The following SERPINB8 variants were observed in gnomAD, a reference collection of about 807,000 sequenced individuals.
SERPINB8 encodes serpin B8.
SERPINB8 carries 25 observed loss-of-function variants against 35.3 expected under a neutral mutation model. The observed-to-expected ratio is 0.71, with a 90% CI of 0.52 to 0.99. The LOEUF (loss-of-function observed/expected upper bound fraction) is 0.99, where lower values mean the gene tolerates loss of function less well. SERPINB8 is among the 50% of genes least tolerant of loss of function. The pLI, the probability that SERPINB8 is intolerant of heterozygous loss-of-function variation, is 0.00. For missense variants in SERPINB8, 484 were observed against 446.5 expected, an observed-to-expected ratio of 1.08 and a Z score of -0.76; for synonymous variants, 186 against 160.8, an observed-to-expected ratio of 1.16 and a Z score of -1.19.
In SERPINB8 at chr18:63,996,463, G is replaced by A. The variant is rs566868201; in HGVS notation, c.71-8356G>A. 2.6e-4 allele frequency among the ~76,000 whole-genome samples: 39 copies of A among 152,284 alleles called. No individual in the cohort carries two copies. In the South Asian group the frequency reaches 4.1e-3, roughly 16 times the overall value. On this transcript the variant is annotated intron_variant, in intron 1 of 1. Coordinates refer to the SERPINB8 transcript ENST00000493661. ...TGCCTTTTTCAGCATCCTCCCACACGGAGAAGTCCAGGATCAACTTGCCTT... is the reference window on the plus strand; with the variant it reads ...TGCCTTTTTCAGCATCCTCCCACACAGAGAAGTCCAGGATCAACTTGCCTT...
chr18:63,992,358 T>C (rs2050828986), downstream of SERPINB8, among the ~76,000 whole-genome samples: 1 of 152,374 alleles, frequency 6.6e-6, no homozygotes, highest in African/African-American at 2.4e-5. Flanking sequence ...TCAAGGAATT[T>C]GTTCATTTTC....
chr18:64,018,762 G>C, intron 7 of SERPINB8: 1 of 152,154 alleles, frequency 6.6e-6, no homozygotes, highest in East Asian at 1.9e-4. Flanking sequence ...TTATGAAAGC[G>C]TTCCAACGTT....
chr18:63,985,017 T>C (rs2050728986), intron 5 of SERPINB8, 76 bp from the exon 6 acceptor site: 1 of 1,460,434 alleles, frequency 6.8e-7, no homozygotes, highest in Non-Finnish European at 9.4e-7. Flanking sequence ...ACCTAGAGTT[T>C]CTGTGAGTTA....
intron 7 of SERPINB8, among the ~76,000 whole-genome samples, chr18:64,016,214 C>G (rs1412006864): frequency 6.6e-6 from 1 of 152,170 alleles, no homozygotes; most frequent in East Asian, 1.9e-4. Flanking sequence ...AAAGGCTTTG[C>G]TTATCCAATG....
intron 7 of SERPINB8, among the ~76,000 whole-genome samples, chr18:64,015,445 G>C (rs957186770): frequency 2.6e-5 from 4 of 152,142 alleles, no homozygotes; most frequent in Admixed American, 6.5e-5. Context: ...TCCCTAAGTG[G>C]CTTCCAGCTT....
At chr18:64,007,318 A>G (rs2050904600), downstream of SERPINB8, among the ~76,000 whole-genome samples, 2 of 152,206 alleles carry the variant, frequency 1.3e-5, no homozygotes, top group Non-Finnish European at 2.9e-5. Context: ...CATTTAAAAA[A>G]TTAAATCAAA....
In SERPINB8 at chr18:63,988,671, T is replaced by C. The variant is rs939909215; in HGVS notation, c.*1393T>C. On this transcript the variant is annotated 3_prime_UTR_variant, in exon 7 of 7. Transcript: ENST00000397985. ...TGAACAGTGGTTAATCCTGACTCTG[T>C]TTTTGACTGACAGTTAACAGTTACA... 6.6e-6 allele frequency: 1 copy of C among 152,222 alleles called. No homozygotes were observed. The highest frequency in any genetic ancestry group is 1.5e-5 in the Non-Finnish European group (1 of 68,046). 9.4% of individuals were successfully genotyped at this position (152,222 alleles called of 1,614,324 possible). A position where few individuals can be genotyped will look rare whatever the true frequency, so the allele number is the denominator to read the frequency against.
chr18:63,987,262 G>A lies in SERPINB8; in HGVS notation c.1109G>A (p.Arg370Lys), dbSNP rs758522095. Residue 370 changes from arginine (R) to lysine (K), a missense_variant, in exon 7 of 7, where the codon AGG becomes AAG. Physicochemically the swap from Arg to Lys is conservative, Grantham distance 26. Transcript: ENST00000397985. ...ACCAACTGCATCTTGTTCTGTGGCA[G>A]GTTCTCTTCTCCGTAAAGAGGAGCA... Reference protein sequence around the residue: ...HKTNCILFCGRFSSP With the variant: ...HKTNCILFCGKFSSP The A allele has an allele frequency of 2.5e-6, 4 of 1,612,376 alleles. No homozygotes were observed. In the East Asian group the frequency reaches 6.7e-5, roughly 27 times the overall value.
At chr18:63,985,318 T>C (rs2050736976) in intron 6 of SERPINB8, 73 bp downstream of exon 6, 2 of 1,546,418 alleles carry the variant, frequency 1.3e-6, no homozygotes, top group Admixed American at 1.9e-5. Flanking sequence ...CATCTACCAA[T>C]TGGCATTTGA....
chr18:63,981,969 T>C, intron 4 of SERPINB8, 131 bp downstream of exon 4: 2 of 636,076 alleles, frequency 3.1e-6, no homozygotes. Flanking sequence ...GTTTGCTGAG[T>C]TTACAGGCCA....
At chr18:64,002,661 T>A (rs560866940) in intron 1 of SERPINB8, among the ~76,000 whole-genome samples, 128 of 152,088 alleles carry the variant, frequency 8.4e-4, no homozygotes, top group Middle Eastern at 6.8e-3. Flanking sequence ...TGCGGTCACC[T>A]GCTCTTCCCG....
downstream of SERPINB8, among the ~76,000 whole-genome samples, chr18:64,010,062 A>G (rs1293939563): frequency 2.6e-5 from 4 of 152,114 alleles, no homozygotes; most frequent in African/African-American, 9.6e-5. Context: ...TTAAATATGA[A>G]GTATTTCCAT....
At chr18:64,015,561 A>G (rs974661868) in intron 7 of SERPINB8, among the ~76,000 whole-genome samples, 4 of 152,108 alleles carry the variant, frequency 2.6e-5, no homozygotes, top group Non-Finnish European at 5.9e-5. Flanking sequence ...TTCAAAGATG[A>G]CTTTCGTTGT....
chr18:63,989,962 A>C (rs949993298), downstream of SERPINB8, among the ~76,000 whole-genome samples: 2 of 149,362 alleles, frequency 1.3e-5, no homozygotes, highest in Admixed American at 1.3e-4. Flanking sequence ...AAAAAAAAAA[A>C]AAAAAAACCA....
chr18:64,010,640 A>G (rs1157570178), downstream of SERPINB8, among the ~76,000 whole-genome samples: 1 of 152,150 alleles, frequency 6.6e-6, no homozygotes. Flanking sequence ...AATACCACAC[A>G]TTATGGAAAA....
rs777214400 is a variant in SERPINB8 at position 63,981,768 on chromosome 18, G to A, written c.354G>A (p.Glu118=). The A allele has an allele frequency of 1.2e-6, 2 of 1,614,000 alleles. No individual in the cohort carries two copies. The highest frequency in any genetic ancestry group is 2.2e-5 in the South Asian group (2 of 91,082). Residue 118 remains glutamate, a synonymous_variant, in exon 4 of 7, where the codon GAG becomes GAA. Coordinates refer to ENST00000397985, the MANE Select transcript of SERPINB8 (RefSeq NM_002640.4). ...AGTTCTATCAGGCAGAGCTGGAGGA[G>A]TTGTCCTTTGCTGAAGACACTGAAG... ...CQKFYQAELE[E]LSFAEDTEEC...
At chr18:64,010,330 C>G (rs1346283671), downstream of SERPINB8, among the ~76,000 whole-genome samples, 1 of 152,148 alleles carries the variant, frequency 6.6e-6, no homozygotes, top group Non-Finnish European at 1.5e-5. Context: ...TTGGTAAAAC[C>G]ACTTAGGAAA....
downstream of SERPINB8, among the ~76,000 whole-genome samples, chr18:63,990,778 T>C (rs1442044815): frequency 6.6e-6 from 1 of 152,078 alleles, no homozygotes; most frequent in East Asian, 1.9e-4. Flanking sequence ...AAAGCAGTTC[T>C]TAATTTTGAT....
rs1385181572 is a variant in SERPINB8, at chr18:64,001,471, G to GTTTATTTATTTA, written c.71-3345_71-3344insATTTATTTATTT. On this transcript the variant is annotated intron_variant, in intron 1 of 1. Coordinates refer to the SERPINB8 transcript ENST00000493661. Reference sequence around the variant, plus strand: ...GCTTTCTTTTCTTTTCTGTTTGTTTGTTTGTTTATTTATTTATTTATTTAT... The same window carrying GTTTATTTATTTA: ...GCTTTCTTTTCTTTTCTGTTTGTTTGTTTATTTATTTATTTGTTTATTTATTTATTTATTTAT... Among the ~76,000 whole-genome samples, 12 of 111,844 alleles carry GTTTATTTATTTA rather than the reference G, an allele frequency of 1.1e-4. No homozygotes were observed. The South Asian group carries it at 2.3e-3, about 21-fold the overall frequency. 73.4% of individuals were successfully genotyped at this position (111,844 alleles called of 152,430 possible). A position where few individuals can be genotyped will look rare whatever the true frequency, so the allele number is the denominator to read the frequency against.
Sources: gnomAD v4.1 joint callset for allele counts (sites outside exome capture counted in the v4.1 genomes callset) on GRCh38, gnomAD v4.1.1 for gene constraint, MANE v1.5 for transcripts, NCBI Gene and HGNC (gene_info 2026-07-23, HGNC 2026-07-21) for gene names.